Variants in FRMD4B observed in about 807,000 individuals in gnomAD.
The protein encoded by FRMD4B is FERM domain-containing protein 4B.
FRMD4B carries 74 observed loss-of-function variants against 141.5 expected under a neutral mutation model. That is an observed-to-expected ratio of 0.52 (90% CI 0.43 to 0.63). The LOEUF (loss-of-function observed/expected upper bound fraction) is 0.63, where lower values mean the gene tolerates loss of function less well. Ranked by LOEUF, FRMD4B falls within the 30% of genes least tolerant of loss-of-function variation. The probability of loss-of-function intolerance (pLI) is 0.00; values close to 1 mark genes in which losing one functional copy is unlikely to be tolerated. For missense variants in FRMD4B, 1,366 were observed against 1,253.4 expected, an observed-to-expected ratio of 1.09 and a Z score of -1.36; for synonymous variants, 506 against 467.9, an observed-to-expected ratio of 1.08 and a Z score of -1.05.
intron 11 of FRMD4B, among the ~76,000 whole-genome samples, chr3:69,208,498 C>T (rs1210001587): frequency 1.4e-5 from 2 of 147,168 alleles, no homozygotes; most frequent in Non-Finnish European, 3.1e-5. Context: ...TGCAACCAGC[C>T]TTCTCCTGGG....
At chr3:69,322,091 A>G (rs1339521254) in intron 1 of FRMD4B, among the ~76,000 whole-genome samples, 2 of 152,054 alleles carry the variant, frequency 1.3e-5, no homozygotes, top group African/African-American at 4.8e-5. Context: ...AAAAACTCAC[A>G]CATAAAAAAC....
intron 1 of FRMD4B, among the ~76,000 whole-genome samples, chr3:69,502,723 A>T (rs1344190271): frequency 6.6e-6 from 1 of 152,210 alleles, no homozygotes; most frequent in African/African-American, 2.4e-5. Flanking sequence ...AGCAAAAAAA[A>T]AACTACCATC....
chr3:69,532,130 A>T (rs1406732317), intron 1 of FRMD4B, among the ~76,000 whole-genome samples: 1 of 152,192 alleles, frequency 6.6e-6, no homozygotes, highest in African/African-American at 2.4e-5. Context: ...AGGATTCTGC[A>T]TTTCAATTTG....
At chr3:69,380,362 C>A (rs1010485674) in intron 1 of FRMD4B, among the ~76,000 whole-genome samples, 7 of 152,122 alleles carry the variant, frequency 4.6e-5, no homozygotes, top group African/African-American at 1.4e-4. Context: ...ACTAGAGGAA[C>A]TAGTCTCACC....
chr3:69,234,238 C>G (rs1042625357), intron 7 of FRMD4B, among the ~76,000 whole-genome samples: 3 of 145,056 alleles, frequency 2.1e-5, no homozygotes, highest in Non-Finnish European at 1.5e-5. Flanking sequence ...GAGTGAGACC[C>G]TGTCTCAAAA....
In FRMD4B at chr3:69,278,604, C is replaced by CT. The variant is rs55732494; in HGVS notation, c.501+9147dup. Among the ~76,000 whole-genome samples the CT allele has an allele frequency of 1.1e-3, 151 of 142,284 alleles. 2 individuals carry two copies. The highest frequency in any genetic ancestry group is 3.5e-3 in the African/African-American group (136 of 38,592). 93.3% of individuals were successfully genotyped at this position (142,284 alleles called of 152,430 possible). A position where few individuals can be genotyped will look rare whatever the true frequency, so the allele number is the denominator to read the frequency against. On this transcript the variant is annotated intron_variant, in intron 5 of 22. Coordinates refer to ENST00000398540, the MANE Select transcript of FRMD4B (RefSeq NM_015123.3). Reference sequence around the variant, plus strand: ...GAGTCACCCCAGTGGCCCCAAATTGCTTTTTTTTTTTTTGCCCTGCCGCTC... The same window carrying CT: ...GAGTCACCCCAGTGGCCCCAAATTGCTTTTTTTTTTTTTTGCCCTGCCGCTC...
intron 2 of FRMD4B, among the ~76,000 whole-genome samples, chr3:69,427,154 C>T (rs1008671352): frequency 6.6e-6 from 1 of 151,582 alleles, no homozygotes; most frequent in Admixed American, 6.6e-5. Flanking sequence ...ATCCCTAATA[C>T]AAAGATTTCC....
rs1701577866 is a variant in FRMD4B, at chr3:69,311,269, T to C, written c.317A>G (p.Asp106Gly). 1 of 1,465,206 alleles carries C rather than the reference T, an allele frequency of 6.8e-7. No individual in the cohort carries two copies. The highest frequency in any genetic ancestry group is 1.4e-5 in the African/African-American group (1 of 72,202). 90.8% of individuals were successfully genotyped at this position (1,465,206 alleles called of 1,614,324 possible). A position where few individuals can be genotyped will look rare whatever the true frequency, so the allele number is the denominator to read the frequency against. ...AAACTATTAAAGGACTTACGTGTCA[T>C]CTATGAATGTTATTCCAAAATACTC... ...EKEYFGITFI[D>G]DTGQQNWLQL... The change falls in exon 3 of 23, where the codon GAT becomes GGT. Residue 106 changes from aspartate (D) to glycine (G), a missense_variant. Asp to Gly is a moderately conservative substitution (Grantham distance 94). Transcript: ENST00000398540.
Position 69,181,335 on chromosome 3 carries a change from G to T in FRMD4B, c.2415C>A (p.Tyr805Ter). The T allele has an allele frequency of 6.2e-7, 1 of 1,613,914 alleles. No individual in the cohort carries two copies. Among genetic ancestry groups the T allele is most frequent in the South Asian group, 1.1e-5 (1 of 91,072 alleles). ...KSQEPPSSSY[Y>*]IAGYTPYAEC... is the part of the protein sequence containing the mutation. ...CTGCATAGGGTGTGTACCCGGCAATGTAGTAACTGGAAGACGGTGGCTCCT... is the reference window on the plus strand; with the variant it reads ...CTGCATAGGGTGTGTACCCGGCAATTTAGTAACTGGAAGACGGTGGCTCCT... The change falls in exon 21 of 23, where the codon TAC (tyrosine) becomes TAA (stop). Residue 805 changes from tyrosine (Y) to a stop codon, truncating the protein, a stop_gained. Transcript: ENST00000398540. LOFTEE classifies it high-confidence loss of function.
chr3:69,280,344 A>G (rs2093639037), intron 5 of FRMD4B, among the ~76,000 whole-genome samples: 1 of 152,086 alleles, frequency 6.6e-6, no homozygotes, highest in African/African-American at 2.4e-5. Context: ...CTCCTCTGAA[A>G]TGCTTGACCC....
At chr3:69,216,646 G>T (rs1406475122) in intron 10 of FRMD4B, among the ~76,000 whole-genome samples, 2 of 151,696 alleles carry the variant, frequency 1.3e-5, no homozygotes, top group Non-Finnish European at 2.9e-5. Context: ...TGGCTAGGAT[G>T]GTCTTGATCT....
At chr3:69,200,094 T>A (rs1007578196) in intron 11 of FRMD4B, among the ~76,000 whole-genome samples, 1 of 152,216 alleles carries the variant, frequency 6.6e-6, no homozygotes, top group Admixed American at 6.5e-5. Flanking sequence ...TTCTCTGCAA[T>A]GCACTATCAG....
At position 69,278,815 on chromosome 3, in the gene FRMD4B, C is replaced by T. The variant is rs1353431596; in HGVS notation, c.501+8937G>A. ...CGTTGTCCAGGCTGGTCTGGAACTC[C>T]TGGGATCAAGCGATCTGCGCATCTC... On this transcript the variant is annotated intron_variant, in intron 5 of 22. Transcript: ENST00000398540. Among the ~76,000 whole-genome samples, 11 of 152,108 alleles carry T rather than the reference C, an allele frequency of 7.2e-5. No individual in the cohort carries two copies. The East Asian group carries it at 1.6e-3, about 21-fold the overall frequency.
chr3:69,439,786 A>G (rs944167205), intron 1 of FRMD4B, among the ~76,000 whole-genome samples: 7 of 152,228 alleles, frequency 4.6e-5, no homozygotes, highest in African/African-American at 1.7e-4. Flanking sequence ...GACGGGCATA[A>G]AATGCAGTTT....
chr3:69,192,467 A>G (rs2092848944), intron 17 of FRMD4B, among the ~76,000 whole-genome samples: 2 of 152,222 alleles, frequency 1.3e-5, no homozygotes, highest in Non-Finnish European at 2.9e-5. Flanking sequence ...ATGTCTTAGA[A>G]TCAAAGAAAT....
intron 1 of FRMD4B, among the ~76,000 whole-genome samples, chr3:69,364,703 A>G (rs965265691): frequency 2.6e-5 from 4 of 152,180 alleles, no homozygotes; most frequent in African/African-American, 4.8e-5. Flanking sequence ...GCTCGTGGCT[A>G]TGAAATCTCA....
At chr3:69,288,982 C>CT (rs1251356187) in intron 4 of FRMD4B, among the ~76,000 whole-genome samples, 1 of 152,178 alleles carries the variant, frequency 6.6e-6, no homozygotes, top group Admixed American at 6.5e-5. Context: ...ACATTCCACC[C>CT]TTTAATGTTG....
chr3:69,200,950 C>G (rs1469689427), intron 11 of FRMD4B: 2 of 437,246 alleles, frequency 4.6e-6, no homozygotes, highest in Admixed American at 5.0e-5. Flanking sequence ...CCCCTCTTAT[C>G]ACTTACAAAT....
intron 1 of FRMD4B, chr3:69,535,658 C>T: frequency 4.4e-6 from 1 of 225,968 alleles, no homozygotes; most frequent in Non-Finnish European, 9.1e-6. Flanking sequence ...TGCCTCCGGC[C>T]CTAGGATACA....
Sources: gnomAD v4.1 joint callset for allele counts (sites outside exome capture counted in the v4.1 genomes callset) on GRCh38, gnomAD v4.1.1 for gene constraint, MANE v1.5 for transcripts, NCBI Gene and HGNC (gene_info 2026-07-23, HGNC 2026-07-21) for gene names.